The following SGMS2 variants were observed in gnomAD, a reference collection of about 807,000 sequenced individuals.
SGMS2 encodes the protein phosphatidylcholine:ceramide cholinephosphotransferase 2.
In SGMS2, 21 loss-of-function variants were observed where a neutral mutation model predicts 43.8. The observed-to-expected ratio is 0.48, with a 90% confidence interval of 0.34 to 0.69. SGMS2 has a LOEUF of 0.69. SGMS2 is among the 30% of genes least tolerant of loss of function. SGMS2 has a pLI of 0.01. For missense variants in SGMS2, 384 were observed against 443.2 expected (o/e 0.87, Z 1.20); for synonymous variants, 167 against 160.6 (o/e 1.04, Z -0.30).
At chr4:107,854,231 A>T (rs930132759) in intron 1 of SGMS2, among the ~76,000 whole-genome samples, 8 of 152,228 alleles carry the variant, frequency 5.3e-5, no homozygotes, top group Non-Finnish European at 7.3e-5. Context: ...CGTGTCTTCC[A>T]TGTACAATAT....
chr4:107,862,995 G>A (rs1727847040), intron 2 of SGMS2, among the ~76,000 whole-genome samples: 1 of 152,136 alleles, frequency 6.6e-6, no homozygotes, highest in Non-Finnish European at 1.5e-5. Flanking sequence ...TATAAGGTGG[G>A]GCCAGCTAAT....
intron 1 of SGMS2, among the ~76,000 whole-genome samples, 178 bp from the exon 2 acceptor site, chr4:107,858,294 G>GTGTCAGT (rs1727539530): frequency 6.6e-6 from 1 of 152,070 alleles, no homozygotes; most frequent in Non-Finnish European, 1.5e-5. Context: ...TTGACCTGAA[G>GTGTCAGT]TGTCAGTACC....
intron 1 of SGMS2, among the ~76,000 whole-genome samples, chr4:107,836,632 T>C (rs1434582600): frequency 6.6e-6 from 1 of 152,226 alleles, no homozygotes; most frequent in Non-Finnish European, 1.5e-5. Flanking sequence ...ATCGTCTACC[T>C]CTTGTCCACC....
rs1353912861 is a variant in SGMS2, at chr4:107,903,331, C to A, written c.672C>A (p.Phe224Leu). The A allele has an allele frequency of 1.2e-6, 2 of 1,614,012 alleles. No homozygotes were observed. The highest frequency in any genetic ancestry group is 1.7e-6 in the Non-Finnish European group (2 of 1,179,930). Residue 224 changes from phenylalanine to leucine, a missense_variant, in exon 5 of 7, where the codon TTC (phenylalanine) becomes TTA (leucine). Coordinates refer to ENST00000690982, the MANE Select transcript of SGMS2 (RefSeq NM_001375905.1). ...GATCACATATCTTATGTGGAGACTTCCTCTTCAGCGGTCACACGGTTACGC... is the reference window on the plus strand; with the variant it reads ...GATCACATATCTTATGTGGAGACTTACTCTTCAGCGGTCACACGGTTACGC... Reference protein sequence around the residue: ...ITGSHILCGDFLFSGHTVTLT... With the variant: ...ITGSHILCGDLLFSGHTVTLT...
intron 2 of SGMS2, among the ~76,000 whole-genome samples, chr4:107,872,519 T>A (rs907284580): frequency 6.6e-6 from 1 of 152,102 alleles, no homozygotes; most frequent in African/African-American, 2.4e-5. Context: ...TAAATAATTA[T>A]CTTAGCCAAG....
intron 2 of SGMS2, among the ~76,000 whole-genome samples, chr4:107,894,709 G>A (rs748253189): frequency 8.5e-5 from 13 of 152,254 alleles, no homozygotes; most frequent in South Asian, 2.1e-4. Context: ...TATGGTGTGC[G>A]TCTCTGAATA....
At chr4:107,897,542 T>C (rs1730775218) in intron 3 of SGMS2, among the ~76,000 whole-genome samples, 2 of 152,242 alleles carry the variant, frequency 1.3e-5, no homozygotes, top group African/African-American at 2.4e-5. Context: ...CTGGTAAGTA[T>C]GTGGACTCCA....
At chr4:107,824,660 G>GC (rs1435954669), upstream of SGMS2, 2 of 152,260 alleles carry the variant, frequency 1.3e-5, no homozygotes, top group Non-Finnish European at 2.9e-5. Flanking sequence ...CTCCTTCTCT[G>GC]CACCTTAAAC....
At chr4:107,903,583 T>G (rs947918195) in intron 5 of SGMS2, among the ~76,000 whole-genome samples, 197 bp downstream of exon 5, 6 of 152,080 alleles carry the variant, frequency 3.9e-5, no homozygotes, top group African/African-American at 1.4e-4. Flanking sequence ...AAATTTCAAC[T>G]AGTCATATGT....
intron 1 of SGMS2, among the ~76,000 whole-genome samples, chr4:107,833,708 G>T (rs1280041043): frequency 6.6e-6 from 1 of 152,174 alleles, no homozygotes; most frequent in Non-Finnish European, 1.5e-5. Flanking sequence ...CACTCATCCT[G>T]CACGGAAGGG....
chr4:107,882,919 C>CA (rs1269879022), intron 2 of SGMS2, among the ~76,000 whole-genome samples: 3 of 152,128 alleles, frequency 2.0e-5, no homozygotes, highest in African/African-American at 7.2e-5. Context: ...AATGCAGGAA[C>CA]ATGCTTTTTT....
intron 1 of SGMS2, among the ~76,000 whole-genome samples, chr4:107,858,014 C>CT (rs1430872146): frequency 6.6e-6 from 1 of 151,986 alleles, no homozygotes; most frequent in Non-Finnish European, 1.5e-5. Flanking sequence ...TGCCCCACCC[C>CT]CCCCATCCCC....
chr4:107,839,892 G>A (rs915140592), intron 1 of SGMS2, among the ~76,000 whole-genome samples: 1 of 151,932 alleles, frequency 6.6e-6, no homozygotes, highest in Non-Finnish European at 1.5e-5. Flanking sequence ...GCTTCCCATG[G>A]CCTTTATTCT....
chr4:107,900,209 C>T (rs543748884), intron 4 of SGMS2, among the ~76,000 whole-genome samples: 9 of 152,156 alleles, frequency 5.9e-5, no homozygotes, highest in Admixed American at 3.9e-4. Flanking sequence ...TCTTTAATAA[C>T]GAGGCATTTG....
chr4:107,903,076 A>T (rs1347775310), intron 4 of SGMS2, among the ~76,000 whole-genome samples, 157 bp from the exon 5 acceptor site: 1 of 152,094 alleles, frequency 6.6e-6, no homozygotes, highest in Non-Finnish European at 1.5e-5. Flanking sequence ...AATAAAACCC[A>T]GTTTGAGGAG....
At chr4:107,886,854 T>C (rs1393633804) in intron 2 of SGMS2, 3 of 152,190 alleles carry the variant, frequency 2.0e-5, no homozygotes, top group African/African-American at 7.2e-5. Context: ...AGATTCTTAT[T>C]GCACTTACGC....
chr4:107,835,653 C>G (rs563329447), intron 1 of SGMS2, among the ~76,000 whole-genome samples: 1 of 152,050 alleles, frequency 6.6e-6, no homozygotes, highest in Non-Finnish European at 1.5e-5. Context: ...TTTGCTTTGT[C>G]GTGCCAGTAT....
intron 2 of SGMS2, among the ~76,000 whole-genome samples, chr4:107,887,419 CAT>C (rs1219264703): frequency 6.6e-6 from 1 of 152,124 alleles, no homozygotes; most frequent in Non-Finnish European, 1.5e-5. Context: ...TACATTAAGT[CAT>C]ATCAGAATTA....
intron 2 of SGMS2, among the ~76,000 whole-genome samples, chr4:107,890,331 A>T (rs1196951833): frequency 6.6e-6 from 1 of 152,138 alleles, no homozygotes; most frequent in Non-Finnish European, 1.5e-5. Flanking sequence ...AAGGAGAGAC[A>T]GCAGAAGTAA....
Sources: allele counts gnomAD v4.1 joint callset (sites outside exome capture counted in the v4.1 genomes callset), GRCh38; gene constraint gnomAD v4.1.1; transcripts MANE v1.5; gene names NCBI Gene and HGNC (gene_info 2026-07-23, HGNC 2026-07-21).